AMBRA1: variants seen among roughly 807,000 people sequenced by gnomAD.
The protein encoded by AMBRA1 is activating molecule in BECN1-regulated autophagy protein 1.
In AMBRA1, 47 loss-of-function variants were observed where a neutral mutation model predicts 125.4. The ratio of observed to expected loss-of-function variants is 0.37; its 90% CI spans 0.30 to 0.48. The LOEUF (loss-of-function observed/expected upper bound fraction) is 0.48. Ranked by LOEUF, AMBRA1 falls within the 20% of genes least tolerant of loss-of-function variation. The pLI, the probability that AMBRA1 is intolerant of heterozygous loss-of-function variation, is 0.99. For synonymous variants in AMBRA1, 626 were observed against 655.5 expected, an observed-to-expected ratio of 0.95 and a Z score of 0.69; for missense variants, 1,331 against 1,693.4, an observed-to-expected ratio of 0.79 and a Z score of 3.76.
At chr11:46,410,730 G>T (rs575897955) in intron 15 of AMBRA1, among the ~76,000 whole-genome samples, 13 of 152,362 alleles carry the variant, frequency 8.5e-5, no homozygotes, top group Admixed American at 1.3e-4. Flanking sequence ...GATGGCAAAT[G>T]TGAGGCTGGA....
At chr11:46,420,273 T>C (rs1282209145) in intron 14 of AMBRA1, among the ~76,000 whole-genome samples, 1 of 152,202 alleles carries the variant, frequency 6.6e-6, no homozygotes, top group Non-Finnish European at 1.5e-5. Context: ...GAGGAGACTA[T>C]TAAAAAAGAA....
At chr11:46,552,337 C>G (rs2043027939) in intron 1 of AMBRA1, among the ~76,000 whole-genome samples, 1 of 117,358 alleles carries the variant, frequency 8.5e-6, no homozygotes, top group African/African-American at 3.4e-5. Flanking sequence ...CCACTGCACT[C>G]CAGCTTGAGT....
chr11:46,542,956 T>C lies in AMBRA1; in HGVS notation c.1061A>G (p.Gln354Arg). ...CTGGTCCTGCTGCGTTGACGAGGCCTGCTCCGGGGGATGGAAGGGCTCGGT... is the reference window on the plus strand; with the variant it reads ...CTGGTCCTGCTGCGTTGACGAGGCCCGCTCCGGGGGATGGAAGGGCTCGGT... ...VQTEPFHPPE[Q>R]ASSTQQDQGL... is the part of the protein sequence containing the mutation. Residue 354 changes from glutamine (Q) to arginine (R), a missense_variant, in exon 7 of 18, where the codon CAG becomes CGG. Physicochemically the swap from Gln to Arg is conservative, Grantham distance 43. This residue lies in a region of AMBRA1 where 689 missense variants were observed against 776.5 expected (regional missense o/e 0.89). Transcript: ENST00000683756. The surrounding 1 kb of genome is among the most constrained non-coding windows in gnomAD (Gnocchi z 5.9). 1 of 1,606,978 alleles carries C rather than the reference T, an allele frequency of 6.2e-7. No individual in the cohort carries two copies. The highest frequency in any genetic ancestry group is 1.3e-5 in the African/African-American group (1 of 74,978).
In AMBRA1 at chr11:46,447,708, G is replaced by GTAGA. The variant is rs59044666; in HGVS notation, c.2522-4114_2522-4111dup. ...CTGGGTTACAGAGCCAGACCATCTT[G>GTAGA]TAGATAGATAGATAGATAGATAGAT... On this transcript the variant is annotated intron_variant, in intron 11 of 17. Coordinates refer to ENST00000683756, the MANE Select transcript of AMBRA1 (RefSeq NM_001387011.1). Among the ~76,000 whole-genome samples the GTAGA allele has an allele frequency of 9.4e-4, 131 of 138,696 alleles. 1 individual carries two copies. Among genetic ancestry groups the GTAGA allele is most frequent in the South Asian group, 1.5e-3 (6 of 3,892 alleles). 91.0% of individuals were successfully genotyped at this position (138,696 alleles called of 152,430 possible). A position where few individuals can be genotyped will look rare whatever the true frequency, so the allele number is the denominator to read the frequency against.
At chr11:46,513,148 A>C (rs1951329425) in intron 7 of AMBRA1, among the ~76,000 whole-genome samples, 1 of 152,180 alleles carries the variant, frequency 6.6e-6, no homozygotes. Flanking sequence ...GTGAAAAATT[A>C]GGCACACACA....
At chr11:46,447,341 C>A (rs1948341893) in intron 11 of AMBRA1, among the ~76,000 whole-genome samples, 1 of 152,042 alleles carries the variant, frequency 6.6e-6, no homozygotes, top group Non-Finnish European at 1.5e-5. Context: ...TCGAGACCAG[C>A]GTGACCAACA....
intron 14 of AMBRA1, among the ~76,000 whole-genome samples, chr11:46,418,575 G>A (rs1307832174): frequency 3.3e-5 from 5 of 151,226 alleles, no homozygotes; most frequent in Admixed American, 6.6e-5. Context: ...AACAGGCCCC[G>A]GTGTGTGATG....
At chr11:46,414,469 C>T (rs1323602329) in intron 15 of AMBRA1, among the ~76,000 whole-genome samples, 2 of 152,216 alleles carry the variant, frequency 1.3e-5, no homozygotes, top group African/African-American at 2.4e-5. Context: ...AGTCTCAGCC[C>T]ACCTCTCTTC....
intron 15 of AMBRA1, among the ~76,000 whole-genome samples, chr11:46,417,422 C>T (rs1946594294): frequency 6.6e-6 from 1 of 152,124 alleles, no homozygotes; most frequent in Admixed American, 6.6e-5. Flanking sequence ...ACAAGCAAGA[C>T]AGAATTGTTG....
intron 11 of AMBRA1, among the ~76,000 whole-genome samples, chr11:46,458,108 C>A (rs1032468948): frequency 6.6e-6 from 1 of 152,056 alleles, no homozygotes; most frequent in South Asian, 2.1e-4. Context: ...CTTGAGAAGT[C>A]CCCAGAACCA....
chr11:46,429,114 C>A, intron 14 of AMBRA1: 1 of 1,604,404 alleles, frequency 6.2e-7, no homozygotes, highest in Non-Finnish European at 8.5e-7. Flanking sequence ...AAAAGGAGTT[C>A]ATAAATGGCA....
At chr11:46,549,108 C>A (rs547702801) in intron 1 of AMBRA1, 100 of 152,120 alleles carry the variant, frequency 6.6e-4, no homozygotes, top group African/African-American at 2.3e-3. Flanking sequence ...AAAAATCAGG[C>A]TCCTTTTCTC....
chr11:46,529,053 A>G (rs1952102573), intron 7 of AMBRA1, among the ~76,000 whole-genome samples: 1 of 152,130 alleles, frequency 6.6e-6, no homozygotes, highest in Non-Finnish European at 1.5e-5. Flanking sequence ...TTATTATTAC[A>G]ATTTTCTACT....
intron 3 of AMBRA1, among the ~76,000 whole-genome samples, 162 bp downstream of exon 3, chr11:46,547,655 C>T (rs548187168): frequency 6.6e-6 from 1 of 152,198 alleles, no homozygotes; most frequent in African/African-American, 2.4e-5. Flanking sequence ...TTCAGGTTAG[C>T]ACTGCTCATC....
At chr11:46,410,736 C>T (rs1379944485) in intron 15 of AMBRA1, among the ~76,000 whole-genome samples, 1 of 152,184 alleles carries the variant, frequency 6.6e-6, no homozygotes, top group African/African-American at 2.4e-5. Flanking sequence ...AAATGTGAGG[C>T]TGGAGTGAGG....
intron 12 of AMBRA1, among the ~76,000 whole-genome samples, chr11:46,441,455 C>T (rs1019649165): frequency 6.6e-6 from 1 of 151,730 alleles, no homozygotes; most frequent in African/African-American, 2.4e-5. Flanking sequence ...GCGGAGATTG[C>T]AGTACACCGA....
At chr11:46,526,734 CA>C (rs397848852) in intron 7 of AMBRA1, among the ~76,000 whole-genome samples, 2 of 149,770 alleles carry the variant, frequency 1.3e-5, no homozygotes, top group Non-Finnish European at 3.0e-5. Context: ...CCCACACACA[CA>C]AAAAAAAACC....
rs1290190529 is a variant in AMBRA1, at chr11:46,494,137, G to A, written c.2407C>T (p.Arg803Cys). The change falls in exon 10 of 18, where the codon CGC becomes TGC. Residue 803 changes from arginine (R) to cysteine (C), a missense_variant. Arg to Cys is a radical substitution (Grantham distance 180, BLOSUM62 -3). Transcript: ENST00000683756. ...CTCGGTTCTTACCTTGGGACAAAGC[G>A]TCCAAGCGAAGGTGCAGACATCCGG... ...NARMSAPSLGRFVPRRFLLPE... is the reference protein window; with the variant it reads ...NARMSAPSLGCFVPRRFLLPE... The A allele has an allele frequency of 2.5e-6, 4 of 1,607,954 alleles. No homozygotes were observed. The highest frequency in any genetic ancestry group is 1.3e-5 in the African/African-American group (1 of 74,992).
intron 17 of AMBRA1, among the ~76,000 whole-genome samples, chr11:46,407,241 G>A (rs1221083543): frequency 6.6e-6 from 1 of 152,026 alleles, no homozygotes; most frequent in Non-Finnish European, 1.5e-5. Context: ...TAAAAAGAAG[G>A]GGCTGCCTAA....
Sources: gnomAD v4.1 joint callset for allele counts (sites outside exome capture counted in the v4.1 genomes callset) on GRCh38, gnomAD v4.1.1 for gene constraint, gnomAD v4.1.1 regional missense constraint, Gnocchi (gnomAD v3.1) non-coding constraint, MANE v1.5 for transcripts, NCBI Gene and HGNC (gene_info 2026-07-23, HGNC 2026-07-21) for gene names.